DNAH5: variants seen among roughly 807,000 people sequenced by gnomAD.
The protein encoded by DNAH5 is dynein axonemal heavy chain 5, also known as axonemal beta dynein heavy chain 5.
In DNAH5, 372 loss-of-function variants were observed where a neutral mutation model predicts 518.2. The ratio of observed to expected loss-of-function variants is 0.72; its 90% confidence interval spans 0.66 to 0.78. The LOEUF (loss-of-function observed/expected upper bound fraction) is 0.78. Ranked by LOEUF, DNAH5 falls within the 30% of genes least tolerant of loss-of-function variation. DNAH5 has a pLI of 0.00. For synonymous variants in DNAH5, 2,039 were observed against 2,025.9 expected, an observed-to-expected ratio of 1.01 and a Z score of -0.17; for missense variants, 5,523 against 5,687.0, an observed-to-expected ratio of 0.97 and a Z score of 0.93.
chr5:13,824,395 G>A (rs1762629664), intron 38 of DNAH5, 62 bp from the exon 39 acceptor site: 1 of 1,485,698 alleles, frequency 6.7e-7, no homozygotes, highest in Admixed American at 1.7e-5. Context: ...GAAGCCATAT[G>A]AATCTGACAG....
chr5:13,931,186 T>C lies in DNAH5; in HGVS notation c.116A>G (p.Tyr39Cys), dbSNP rs1469239990. 2.5e-6 allele frequency: 4 copies of C among 1,614,112 alleles called. No homozygotes were observed. Among genetic ancestry groups the C allele is most frequent in the East Asian group, 2.2e-5 (1 of 44,878 alleles). The change falls in exon 2 of 79, where the codon TAC (tyrosine) becomes TGC (cysteine). Residue 39 changes from tyrosine to cysteine, a missense_variant. Coordinates refer to ENST00000265104, the MANE Select transcript of DNAH5 (RefSeq NM_001369.3). ...KRALLDARHN[Y>C]LFAIVASCLD... ...ACAGGAAGCCACAATTGCAAATAAG[T>C]AGTTATGCCTCGCATCCAAAAGAGC...
intron 1 of DNAH5, among the ~76,000 whole-genome samples, chr5:13,965,352 A>T (rs1297641683): frequency 6.6e-6 from 1 of 152,222 alleles, no homozygotes; most frequent in Non-Finnish European, 1.5e-5. Context: ...GAGTTCTTCT[A>T]AGTAAAATAA....
At chr5:13,736,693 C>G (rs1451383982) in intron 66 of DNAH5, among the ~76,000 whole-genome samples, 1 of 152,138 alleles carries the variant, frequency 6.6e-6, no homozygotes, top group African/African-American at 2.4e-5. Context: ...TCCCAAAGTG[C>G]TGGGATTATA....
At chr5:13,818,222 G>A (rs1020594962) in intron 41 of DNAH5, among the ~76,000 whole-genome samples, 10 of 152,220 alleles carry the variant, frequency 6.6e-5, no homozygotes, top group South Asian at 2.1e-4. Context: ...ACCCTAAGCC[G>A]ACTCTTCAGT....
chr5:13,734,250 G>A (rs1008035956), intron 68 of DNAH5, among the ~76,000 whole-genome samples: 4 of 152,130 alleles, frequency 2.6e-5, no homozygotes, highest in African/African-American at 9.7e-5. Flanking sequence ...CCACTGTGCT[G>A]CACCCTGATC....
intron 1 of DNAH5, among the ~76,000 whole-genome samples, chr5:13,993,608 T>C (rs1783718552): frequency 6.6e-6 from 1 of 152,226 alleles, no homozygotes; most frequent in Non-Finnish European, 1.5e-5. Flanking sequence ...TCGTAAGTAT[T>C]TCCTTAAGAG....
chr5:13,847,522 C>A (rs776521868), intron 31 of DNAH5, among the ~76,000 whole-genome samples: 1 of 151,724 alleles, frequency 6.6e-6, no homozygotes, highest in Non-Finnish European at 1.5e-5. Flanking sequence ...GAGTTTGAGA[C>A]CAGCCTGGCC....
At chr5:13,965,080 C>T (rs1781441222) in intron 1 of DNAH5, among the ~76,000 whole-genome samples, 1 of 152,174 alleles carries the variant, frequency 6.6e-6, no homozygotes, top group Non-Finnish European at 1.5e-5. Flanking sequence ...GCCAGTCCCT[C>T]CCCTCCATCA....
intron 1 of DNAH5, among the ~76,000 whole-genome samples, chr5:13,990,593 C>G (rs1027201031): frequency 6.6e-6 from 1 of 151,458 alleles, no homozygotes; most frequent in East Asian, 2.0e-4. Flanking sequence ...TGGGGCCAGG[C>G]GTGGTGGCTC....
intron 30 of DNAH5, 135 bp from the exon 31 acceptor site, chr5:13,850,950 C>G: frequency 4.6e-6 from 4 of 864,396 alleles, no homozygotes; most frequent in Non-Finnish European, 5.9e-6. Flanking sequence ...CCTAATGTCA[C>G]ACACATTTTA....
intron 1 of DNAH5, among the ~76,000 whole-genome samples, chr5:13,957,495 T>C (rs1433130447): frequency 6.6e-6 from 1 of 152,222 alleles, no homozygotes; most frequent in East Asian, 1.9e-4. Flanking sequence ...CTTTATGTTC[T>C]GATGATTTCC....
intron 49 of DNAH5, among the ~76,000 whole-genome samples, chr5:13,792,792 C>T (rs1757205662): frequency 6.6e-6 from 1 of 152,130 alleles, no homozygotes; most frequent in South Asian, 2.1e-4. Flanking sequence ...CCTGGGGCAC[C>T]CAGATGACAT....
intron 1 of DNAH5, among the ~76,000 whole-genome samples, chr5:13,995,407 C>T (rs1475921673): frequency 2.6e-5 from 4 of 152,132 alleles, no homozygotes; most frequent in African/African-American, 2.4e-5. Context: ...TTCCATTGCA[C>T]GAGCTTCCAT....
intron 38 of DNAH5, among the ~76,000 whole-genome samples, chr5:13,828,577 C>T (rs1763226458): frequency 6.6e-6 from 1 of 152,168 alleles, no homozygotes; most frequent in African/African-American, 2.4e-5. Flanking sequence ...TATGTGGTCA[C>T]ATTAGATTAG....
At chr5:13,917,320 AC>A in intron 7 of DNAH5, 64 bp from the exon 8 acceptor site, 1 of 1,210,026 alleles carries the variant, frequency 8.3e-7, no homozygotes, top group Non-Finnish European at 1.2e-6. Context: ...CAACACAACC[AC>A]TGCTAAGAGT....
At chr5:13,914,499 A>G in intron 10 of DNAH5, 21 bp downstream of exon 10, 2 of 1,611,080 alleles carry the variant, frequency 1.2e-6, no homozygotes, top group Non-Finnish European at 1.7e-6. Context: ...TAGAACATCT[A>G]AATACTAAAC....
At chr5:13,762,689 C>G (rs1337947041) in intron 60 of DNAH5, 33 bp downstream of exon 60, 1 of 1,607,104 alleles carries the variant, frequency 6.2e-7, no homozygotes, top group Non-Finnish European at 8.5e-7. Context: ...CTCCGCCCAG[C>G]CACCTTCACC....
At position 13,931,202 on chromosome 5, in the gene DNAH5, C is replaced by G; in HGVS notation, c.100G>C (p.Asp34His). 6.2e-7 allele frequency: 1 copy of G among 1,614,138 alleles called. No homozygotes were observed. The highest frequency in any genetic ancestry group is 8.5e-7 in the Non-Finnish European group (1 of 1,179,970). The change falls in exon 2 of 79, where the codon GAT becomes CAT. Residue 34 changes from aspartate (D) to histidine (H), a missense_variant. Physicochemically the swap from Asp to His is moderately conservative, Grantham distance 81. Around this residue, in one of 3 missense-constraint regions of DNAH5, gnomAD observed 5,121 missense variants for 5,223.3 expected, o/e 0.98. Transcript: ENST00000265104. ...GEKEAKRALL[D>H]ARHNYLFAIV... ...GCAAATAAGTAGTTATGCCTCGCAT[C>G]CAAAAGAGCCCGCTTGGCTTCCTTC...
At chr5:13,739,844 C>T (rs2126635503) in intron 65 of DNAH5, among the ~76,000 whole-genome samples, 1 of 152,204 alleles carries the variant, frequency 6.6e-6, no homozygotes, top group Non-Finnish European at 1.5e-5. Context: ...AGAAACTTAT[C>T]CCCATACTAC....
Sources: allele counts gnomAD v4.1 joint callset (sites outside exome capture counted in the v4.1 genomes callset), GRCh38; gene constraint gnomAD v4.1.1; regional missense constraint gnomAD v4.1.1; transcripts MANE v1.5; gene names NCBI Gene and HGNC (gene_info 2026-07-23, HGNC 2026-07-21).